PIP4K2B: variants seen among roughly 807,000 people sequenced by gnomAD.
PIP4K2B encodes phosphatidylinositol-5-phosphate 4-kinase type 2 beta.
In PIP4K2B, 3 loss-of-function variants were observed where a neutral mutation model predicts 42.0. The observed-to-expected ratio is 0.07, with a 90% CI of 0.03 to 0.18. PIP4K2B has a LOEUF of 0.18. Ranked by LOEUF, PIP4K2B falls within the 10% of genes least tolerant of loss-of-function variation. PIP4K2B has a pLI of 1.00. For synonymous variants in PIP4K2B, 204 were observed against 210.1 expected (o/e 0.97, Z 0.25); for missense variants, 332 against 562.3 (o/e 0.59, Z 4.14).
chr17:38,770,340 G>C (rs1908942812), intron 9 of PIP4K2B, 96 bp downstream of exon 9: 15 of 736,242 alleles, frequency 2.0e-5, no homozygotes, highest in Non-Finnish European at 7.3e-6. Flanking sequence ...TGTGTTCCTT[G>C]GAGCAGGAGG....
chr17:38,776,128 G>C (rs535598501), intron 7 of PIP4K2B: 116 of 388,800 alleles, frequency 3.0e-4, no homozygotes, highest in African/African-American at 2.2e-3. Flanking sequence ...GCACCACCAT[G>C]CCCGGCTAAT....
At chr17:38,786,293 T>C (rs1395767885) in intron 2 of PIP4K2B, among the ~76,000 whole-genome samples, 1 of 152,140 alleles carries the variant, frequency 6.6e-6, no homozygotes, top group Admixed American at 6.5e-5. Context: ...TTTCCAACAA[T>C]ATCTGAGACA....
intron 7 of PIP4K2B, among the ~76,000 whole-genome samples, chr17:38,774,726 C>T (rs539216195): frequency 7.9e-4 from 119 of 151,354 alleles, no homozygotes; most frequent in African/African-American, 2.5e-3. Flanking sequence ...GCCAAGATCG[C>T]GCCACTGTAC....
At chr17:38,779,302 T>C in intron 5 of PIP4K2B, 81 bp downstream of exon 5, 10 of 1,383,266 alleles carry the variant, frequency 7.2e-6, no homozygotes, top group Non-Finnish European at 1.0e-5. Context: ...AGCTTCCCAA[T>C]TACATGGAAG....
At position 38,771,553 on chromosome 17, in the gene PIP4K2B, A is replaced by AG. The variant is rs1336447309; in HGVS notation, c.808-282_808-281insC. 4.6e-5 allele frequency among the ~76,000 whole-genome samples: 7 copies of AG among 150,540 alleles called. No homozygotes were observed. The East Asian group carries it at 1.2e-3, about 25-fold the overall frequency. On this transcript the variant is annotated intron_variant, in intron 7 of 9. Coordinates refer to ENST00000619039, the MANE Select transcript of PIP4K2B (RefSeq NM_003559.5). ...AACAGAGGGAGATGGTCTCAAAAAAAAAAAAAAAAAAAAAAAAAGCAAGGA... is the reference window on the plus strand; with the variant it reads ...AACAGAGGGAGATGGTCTCAAAAAAAGAAAAAAAAAAAAAAAAAAGCAAGGA...
At chr17:38,785,212 T>G (rs1350974984) in intron 2 of PIP4K2B, among the ~76,000 whole-genome samples, 1 of 152,204 alleles carries the variant, frequency 6.6e-6, no homozygotes, top group Non-Finnish European at 1.5e-5. Context: ...CCTCCATCTT[T>G]ACAACAGCTA....
chr17:38,781,650 G>T (rs1288742064), intron 3 of PIP4K2B, among the ~76,000 whole-genome samples: 1 of 151,794 alleles, frequency 6.6e-6, no homozygotes, highest in Non-Finnish European at 1.5e-5. Flanking sequence ...CCAAGTAGCT[G>T]GGACTACAGG....
At chr17:38,797,035 T>TA (rs1337884220) in intron 1 of PIP4K2B, among the ~76,000 whole-genome samples, 1 of 152,190 alleles carries the variant, frequency 6.6e-6, no homozygotes, top group Admixed American at 6.5e-5. Context: ...CAATAAAACT[T>TA]ACGACTAACT....
rs906482517 is a variant in PIP4K2B, at chr17:38,768,132, C to T, written c.*1559G>A. The T allele has an allele frequency of 1.3e-5, 2 of 152,238 alleles. No homozygotes were observed. The highest frequency in any genetic ancestry group is 1.9e-4 in the East Asian group (1 of 5,198). 9.4% of individuals were successfully genotyped at this position (152,238 alleles called of 1,614,324 possible). On this transcript the variant is annotated 3_prime_UTR_variant, in exon 10 of 10. Transcript: ENST00000619039. ...TATTCATTCAAAATGGTTTCACAAGCGATCTTCACATCTTTGGGGTTATCT... is the reference window on the plus strand; with the variant it reads ...TATTCATTCAAAATGGTTTCACAAGTGATCTTCACATCTTTGGGGTTATCT...
chr17:38,778,244 AG>A, intron 6 of PIP4K2B, 89 bp downstream of exon 6: 1 of 1,136,434 alleles, frequency 8.8e-7, no homozygotes, highest in African/African-American at 1.5e-5. Context: ...GAGCTGGGCT[AG>A]GGGCTGGGGT....
intron 2 of PIP4K2B, 59 bp downstream of exon 2, chr17:38,786,764 C>T: frequency 1.8e-6 from 2 of 1,097,154 alleles, no homozygotes; most frequent in Non-Finnish European, 2.8e-6. Context: ...CTTCAGAAGC[C>T]TCTGACTTGA....
At chr17:38,784,058 T>C (rs570303250) in intron 3 of PIP4K2B, among the ~76,000 whole-genome samples, 185 bp downstream of exon 3, 1 of 152,208 alleles carries the variant, frequency 6.6e-6, no homozygotes, top group African/African-American at 2.4e-5. Context: ...CTCAGAAGCA[T>C]TTCTAAGGCC....
chr17:38,794,984 C>T (rs1910561318), intron 1 of PIP4K2B, among the ~76,000 whole-genome samples: 1 of 150,996 alleles, frequency 6.6e-6, no homozygotes, highest in African/African-American at 2.4e-5. Context: ...CCTGTAATCC[C>T]AGTTACTCAG....
chr17:38,789,356 G>A (rs72625934), intron 1 of PIP4K2B, among the ~76,000 whole-genome samples: 15,140 of 152,264 alleles, frequency 0.099, 1,102 homozygotes, highest in East Asian at 0.38. Context: ...ATTAACCACA[G>A]ATGTCCTCTC....
Position 38,768,581 on chromosome 17 carries a change from A to G in PIP4K2B, c.*1110T>C, listed in dbSNP as rs1908836047. On this transcript the variant is annotated 3_prime_UTR_variant, in exon 10 of 10. Coordinates refer to ENST00000619039, the MANE Select transcript of PIP4K2B (RefSeq NM_003559.5). ...AGGCACAGGGAGACAGATCTCCTAC[A>G]AGGTCATCCCGGAGCTTAACGAGGT... is the stretch of plus-strand genomic sequence containing the variant. The G allele has an allele frequency of 6.6e-6, 1 of 152,202 alleles. No individual in the cohort carries two copies. Among genetic ancestry groups the G allele is most frequent in the African/African-American group, 2.4e-5 (1 of 41,438 alleles). The allele number at this position is 152,202 out of a possible 1,614,324, so 9.4% of individuals were successfully genotyped here.
intron 1 of PIP4K2B, among the ~76,000 whole-genome samples, chr17:38,795,707 T>G (rs1312594172): frequency 1.3e-5 from 2 of 149,464 alleles, no homozygotes; most frequent in Non-Finnish European, 3.0e-5. Flanking sequence ...ACTGAGATTG[T>G]GGCACTAAAC....
chr17:38,779,723 G>A (rs1184181412), intron 4 of PIP4K2B, 194 bp from the exon 5 acceptor site: 1 of 544,870 alleles, frequency 1.8e-6, no homozygotes, highest in Non-Finnish European at 3.3e-6. Flanking sequence ...CCAGCCTCCT[G>A]TTGGCATGGC....
chr17:38,780,140 G>C (rs1909613279), intron 4 of PIP4K2B, among the ~76,000 whole-genome samples: 1 of 152,322 alleles, frequency 6.6e-6, no homozygotes, highest in East Asian at 1.9e-4. Context: ...TGAGTGGAGA[G>C]ATGGGACGGG....
chr17:38,789,773 T>C (rs528977973), intron 1 of PIP4K2B, among the ~76,000 whole-genome samples: 6 of 152,180 alleles, frequency 3.9e-5, no homozygotes, highest in African/African-American at 1.4e-4. Flanking sequence ...GCACGTGCTT[T>C]GAGAGGGATG....
Sources: allele counts gnomAD v4.1 joint callset (sites outside exome capture counted in the v4.1 genomes callset), GRCh38; gene constraint gnomAD v4.1.1; transcripts MANE v1.5; gene names NCBI Gene and HGNC (gene_info 2026-07-23, HGNC 2026-07-21).